The following RGS6 variants were observed in gnomAD, a reference collection of about 807,000 sequenced individuals.
The protein encoded by RGS6 is regulator of G-protein signaling 6.
A neutral mutation model predicts 78.5 loss-of-function variants in RGS6; 30 were observed. That is an observed-to-expected ratio of 0.38 (90% CI 0.29 to 0.52). The LOEUF is 0.52. RGS6 is among the 20% of genes least tolerant of loss of function. RGS6 has a pLI of 0.85. For synonymous variants in RGS6, 206 were observed against 206.0 expected, an observed-to-expected ratio of 1.00 and a Z score of 0.00; for missense variants, 495 against 609.7, an observed-to-expected ratio of 0.81 and a Z score of 1.98.
At chr14:72,208,681 T>C (rs559334264) in intron 2 of RGS6, among the ~76,000 whole-genome samples, 1 of 152,320 alleles carries the variant, frequency 6.6e-6, no homozygotes, top group Admixed American at 6.5e-5. Flanking sequence ...ACCTTGACTA[T>C]TTCAGCATAA....
intron 3 of RGS6, among the ~76,000 whole-genome samples, chr14:72,385,088 G>C (rs971368481): frequency 6.6e-6 from 1 of 151,996 alleles, no homozygotes; most frequent in Non-Finnish European, 1.5e-5. Context: ...GCACCTGCCC[G>C]TCATCTTTCC....
chr14:72,203,185 T>A (rs1334907874), intron 2 of RGS6, among the ~76,000 whole-genome samples: 1 of 152,158 alleles, frequency 6.6e-6, no homozygotes, highest in Non-Finnish European at 1.5e-5. Flanking sequence ...CTGATCCTGT[T>A]TTTTAGAGAA....
intron 2 of RGS6, among the ~76,000 whole-genome samples, chr14:72,054,920 C>G (rs1246370704): frequency 2.0e-5 from 3 of 152,142 alleles, no homozygotes; most frequent in Admixed American, 1.3e-4. Context: ...GCCTTATATT[C>G]CTAAGATTCA....
chr14:72,600,916 T>G, the RGS6 span, among the ~76,000 whole-genome samples: 1 of 151,590 alleles, frequency 6.6e-6, no homozygotes, highest in African/African-American at 2.4e-5. Context: ...CTCCCCTGGC[T>G]GCTGCAGCTG....
chr14:72,523,644 C>T (rs754504599), intron 15 of RGS6, among the ~76,000 whole-genome samples: 1 of 152,118 alleles, frequency 6.6e-6, no homozygotes, highest in Non-Finnish European at 1.5e-5. Context: ...ACAAGACACC[C>T]TGTTATCGTG....
At chr14:72,108,758 C>T (rs1162314325) in intron 2 of RGS6, among the ~76,000 whole-genome samples, 1 of 151,972 alleles carries the variant, frequency 6.6e-6, no homozygotes, top group African/African-American at 2.4e-5. Context: ...TATTTCTGAA[C>T]TTTTTCTAGT....
chr14:71,924,893 A>T, the RGS6 span, among the ~76,000 whole-genome samples: 1 of 152,232 alleles, frequency 6.6e-6, no homozygotes, highest in African/African-American at 2.4e-5. Flanking sequence ...GGCACTGCAG[A>T]TATCTCTTCA....
At chr14:71,896,009 G>T in the RGS6 span, among the ~76,000 whole-genome samples, 3 of 151,890 alleles carry the variant, frequency 2.0e-5, no homozygotes, top group Non-Finnish European at 4.4e-5. Flanking sequence ...AGGGAGCCCA[G>T]GGGTGCAGTC....
At chr14:72,392,276 A>G (rs1450324861) in intron 3 of RGS6, among the ~76,000 whole-genome samples, 2 of 152,100 alleles carry the variant, frequency 1.3e-5, no homozygotes, top group Non-Finnish European at 2.9e-5. Context: ...TTGTCTTTAC[A>G]TCTGACCATG....
At chr14:72,333,395 G>A (rs981495131) in intron 2 of RGS6, among the ~76,000 whole-genome samples, 2 of 152,174 alleles carry the variant, frequency 1.3e-5, no homozygotes, top group African/African-American at 4.8e-5. Context: ...GGAAGTGGGG[G>A]ACCTGCGTTG....
intron 12 of RGS6, 124 bp from the exon 13 acceptor site, chr14:72,495,028 C>G (rs568645941): frequency 1.4e-5 from 9 of 636,012 alleles, no homozygotes; most frequent in Non-Finnish European, 2.0e-5. Flanking sequence ...GAAGTGGGAG[C>G]GGAAATAAAT....
chr14:72,572,358 G>A, the RGS6 span, among the ~76,000 whole-genome samples: 2 of 151,738 alleles, frequency 1.3e-5, no homozygotes, highest in African/African-American at 4.9e-5. Context: ...GTTCATAGCA[G>A]CATTATTCAT....
chr14:72,147,089 G>A (rs1177858902), intron 2 of RGS6, among the ~76,000 whole-genome samples: 3 of 152,152 alleles, frequency 2.0e-5, no homozygotes, highest in Non-Finnish European at 2.9e-5. Context: ...TGATCATGAC[G>A]TCTTAAGTAA....
the RGS6 span, among the ~76,000 whole-genome samples, chr14:71,882,919 C>T: frequency 6.6e-6 from 1 of 152,172 alleles, no homozygotes. Context: ...AGAGCTGGTT[C>T]TGGGTCAAAC....
the RGS6 span, among the ~76,000 whole-genome samples, chr14:72,608,545 C>T: frequency 9.2e-5 from 14 of 152,038 alleles, no homozygotes; most frequent in South Asian, 4.1e-4. Context: ...ACCATATTCC[C>T]CCACCTCTCC....
chr14:71,995,392 G>C (rs1036436619), intron 2 of RGS6, among the ~76,000 whole-genome samples: 3 of 152,256 alleles, frequency 2.0e-5, no homozygotes, highest in Admixed American at 6.5e-5. Context: ...GACCCTGTGG[G>C]CATTGGAGCC....
intron 2 of RGS6, among the ~76,000 whole-genome samples, chr14:72,086,993 G>GA (rs2095067154): frequency 6.6e-6 from 1 of 151,984 alleles, no homozygotes; most frequent in Admixed American, 6.6e-5. Context: ...ATGTATTTTC[G>GA]CTGGAGTGTT....
chr14:72,391,155 C>G (rs531959482), intron 3 of RGS6, among the ~76,000 whole-genome samples: 2 of 152,194 alleles, frequency 1.3e-5, no homozygotes, highest in Non-Finnish European at 2.9e-5. Flanking sequence ...AGCCATAATG[C>G]ATGAATGTGT....
chr14:72,404,046 CAAG>C (rs932770639), intron 3 of RGS6, among the ~76,000 whole-genome samples: 4 of 152,172 alleles, frequency 2.6e-5, no homozygotes, highest in African/African-American at 7.2e-5. Context: ...ACCGGCCATA[CAAG>C]AAGGTTTCCC....
Sources: allele counts gnomAD v4.1 joint callset (sites outside exome capture counted in the v4.1 genomes callset), GRCh38; gene constraint gnomAD v4.1.1; transcripts MANE v1.5; gene names NCBI Gene and HGNC (gene_info 2026-07-23, HGNC 2026-07-21).